TMEM170B: variants seen among roughly 807,000 people sequenced by gnomAD.
The protein encoded by TMEM170B is transmembrane protein 170B.
Under a neutral mutation model 13.0 loss-of-function variants are expected in TMEM170B, and 6 were observed. The observed-to-expected ratio is 0.46, with a 90% confidence interval of 0.25 to 0.91. The LOEUF (loss-of-function observed/expected upper bound fraction) is 0.91. TMEM170B is among the 40% of genes least tolerant of loss of function. The pLI is 0.17. For missense variants in TMEM170B, 138 were observed against 165.2 expected (o/e 0.84, Z 0.90); for synonymous variants, 61 against 64.9 (o/e 0.94, Z 0.29).
Position 11,576,596 on chromosome 6 carries a change from C to T in TMEM170B, c.*1035C>T, listed in dbSNP as rs983893566. On this transcript the variant is annotated 3_prime_UTR_variant, in exon 3 of 3. Transcript: ENST00000379426. ...TTTTTAGAGACTGGCCTAAATTAGG[C>T]TCTGGAAATAAAGACCTCATTTGTA... 4 of 151,900 alleles carry T rather than the reference C, an allele frequency of 2.6e-5. No homozygotes were observed. Among genetic ancestry groups the T allele is most frequent in the Non-Finnish European group, 5.9e-5 (4 of 67,952 alleles). 9.4% of individuals were successfully genotyped at this position (151,900 alleles called of 1,614,324 possible). A position where few individuals can be genotyped will look rare whatever the true frequency, so the allele number is the denominator to read the frequency against.
rs980740605 is a variant in TMEM170B, at chr6:11,581,286, A to G, written c.*5725A>G. 6.6e-6 allele frequency: 1 copy of G among 152,202 alleles called. No individual in the cohort carries two copies. Among genetic ancestry groups the G allele is most frequent in the African/African-American group, 2.4e-5 (1 of 41,438 alleles). The allele number at this position is 152,202 out of a possible 1,614,324, so 9.4% of individuals were successfully genotyped here. On this transcript the variant is annotated 3_prime_UTR_variant, in exon 3 of 3. Coordinates refer to ENST00000379426, the MANE Select transcript of TMEM170B (RefSeq NM_001100829.3). ...AAAAATCTTCCTCCTCTTTCCATAC[A>G]GATGTCGTATGTTATAGTTTAAACA...
At chr6:11,562,585 A>G (rs1279653354) in intron 1 of TMEM170B, among the ~76,000 whole-genome samples, 2 of 152,104 alleles carry the variant, frequency 1.3e-5, no homozygotes, top group Non-Finnish European at 2.9e-5. Context: ...TTTTAAGATT[A>G]AACTTTTATT....
At chr6:11,574,933 T>C (rs953901716) in intron 2 of TMEM170B, among the ~76,000 whole-genome samples, 1 of 152,140 alleles carries the variant, frequency 6.6e-6, no homozygotes, top group Non-Finnish European at 1.5e-5. Flanking sequence ...AGTCAGGTAT[T>C]ATATTTTACA....
intron 1 of TMEM170B, among the ~76,000 whole-genome samples, chr6:11,562,157 GA>G (rs1413141018): frequency 6.6e-6 from 1 of 152,038 alleles, no homozygotes; most frequent in Non-Finnish European, 1.5e-5. Context: ...CTCCCTTGAT[GA>G]AAATATACAC....
chr6:11,552,444 C>G (rs964199582), intron 1 of TMEM170B, among the ~76,000 whole-genome samples: 1 of 152,142 alleles, frequency 6.6e-6, no homozygotes, highest in African/African-American at 2.4e-5. Flanking sequence ...GTGTCGTCAT[C>G]CAAAAGACCA....
intron 2 of TMEM170B, among the ~76,000 whole-genome samples, chr6:11,574,360 A>G (rs944782920): frequency 6.6e-6 from 1 of 152,162 alleles, no homozygotes; most frequent in Non-Finnish European, 1.5e-5. Context: ...GAGCAATACA[A>G]TAACTTTTAT....
At chr6:11,545,514 C>CA (rs1449682415) in intron 1 of TMEM170B, among the ~76,000 whole-genome samples, 1 of 152,024 alleles carries the variant, frequency 6.6e-6, no homozygotes, top group African/African-American at 2.4e-5. Flanking sequence ...AAAATTCTGT[C>CA]ACCTACTGAG....
At chr6:11,564,372 A>T (rs1278509147) in intron 1 of TMEM170B, among the ~76,000 whole-genome samples, 1 of 152,228 alleles carries the variant, frequency 6.6e-6, no homozygotes, top group Non-Finnish European at 1.5e-5. Context: ...TCTATGTTTA[A>T]TGATATTTGG....
At chr6:11,549,950 T>C (rs1024737439) in intron 1 of TMEM170B, among the ~76,000 whole-genome samples, 1 of 152,124 alleles carries the variant, frequency 6.6e-6, no homozygotes, top group Non-Finnish European at 1.5e-5. Context: ...ACATACTCCA[T>C]TACTCCCCTT....
At chr6:11,539,054 A>G (rs1311994830) in intron 1 of TMEM170B, among the ~76,000 whole-genome samples, 1 of 152,226 alleles carries the variant, frequency 6.6e-6, no homozygotes, top group Non-Finnish European at 1.5e-5. Flanking sequence ...CCCTTCATTT[A>G]TTAAGGCTGT....
At chr6:11,569,070 CTCT>C (rs1333756147) in intron 2 of TMEM170B, among the ~76,000 whole-genome samples, 2 of 152,084 alleles carry the variant, frequency 1.3e-5, no homozygotes, top group African/African-American at 2.4e-5. Context: ...ATTTGAGCAT[CTCT>C]TCTTATGTTT....
At chr6:11,565,553 T>C in intron 1 of TMEM170B, 113 bp from the exon 2 acceptor site, 1 of 1,093,128 alleles carries the variant, frequency 9.1e-7, no homozygotes, top group Non-Finnish European at 1.3e-6. Context: ...GTGAAGCATT[T>C]TTCTATGTAT....
chr6:11,568,280 T>A (rs1759760902), intron 2 of TMEM170B, among the ~76,000 whole-genome samples: 1 of 151,962 alleles, frequency 6.6e-6, no homozygotes, highest in South Asian at 2.1e-4. Context: ...GGACAAAAAA[T>A]CTAAATTAGT....
At chr6:11,557,725 A>G (rs1759609174) in intron 1 of TMEM170B, among the ~76,000 whole-genome samples, 1 of 152,182 alleles carries the variant, frequency 6.6e-6, no homozygotes, top group Non-Finnish European at 1.5e-5. Context: ...TCATTTATCC[A>G]GTTGTTCACA....
intron 1 of TMEM170B, among the ~76,000 whole-genome samples, chr6:11,545,420 A>G (rs1759423895): frequency 6.6e-6 from 1 of 152,008 alleles, no homozygotes; most frequent in Non-Finnish European, 1.5e-5. Flanking sequence ...TGAACCCCAT[A>G]TATACAGTCA....
At chr6:11,570,599 A>T (rs767916195) in intron 2 of TMEM170B, among the ~76,000 whole-genome samples, 1 of 152,164 alleles carries the variant, frequency 6.6e-6, no homozygotes, top group African/African-American at 2.4e-5. Flanking sequence ...TGCCAATTGC[A>T]ATATTAAAAA....
intron 1 of TMEM170B, among the ~76,000 whole-genome samples, chr6:11,556,995 G>A (rs138820895): frequency 2.6e-5 from 4 of 152,282 alleles, no homozygotes; most frequent in Non-Finnish European, 5.9e-5. Flanking sequence ...AGAGACCTGT[G>A]GAAAAGCACT....
chr6:11,540,696 A>G (rs1759348004), intron 1 of TMEM170B, among the ~76,000 whole-genome samples: 1 of 152,230 alleles, frequency 6.6e-6, no homozygotes. Flanking sequence ...TCTTAAGGGC[A>G]TCTGGAATGG....
chr6:11,571,175 C>CT (rs11292093), intron 2 of TMEM170B, among the ~76,000 whole-genome samples: 6 of 124,390 alleles, frequency 4.8e-5, no homozygotes, highest in African/African-American at 1.7e-4. Flanking sequence ...CATATGCTTG[C>CT]TTTTTTTTTT....
Sources: gnomAD v4.1 joint callset for allele counts (sites outside exome capture counted in the v4.1 genomes callset) on GRCh38, gnomAD v4.1.1 for gene constraint, MANE v1.5 for transcripts, NCBI Gene and HGNC (gene_info 2026-07-23, HGNC 2026-07-21) for gene names.